COX14: variants seen among roughly 807,000 people sequenced by gnomAD.
The protein encoded by COX14 is cytochrome c oxidase assembly protein COX14.
A neutral mutation model predicts 5.8 loss-of-function variants in COX14; 3 were observed. That is an observed-to-expected ratio of 0.51 (90% CI 0.23 to 1.33). The LOEUF (loss-of-function observed/expected upper bound fraction) is 1.33. Ranked by LOEUF, COX14 falls within the 40% of genes most tolerant of loss-of-function variation. The probability of loss-of-function intolerance (pLI) is 0.18; values close to 1 mark genes in which losing one functional copy is unlikely to be tolerated. For missense variants in COX14, 72 were observed against 72.1 expected (o/e 1.00, Z 0.01); for synonymous variants, 25 against 26.1 (o/e 0.96, Z 0.13).
intron 1 of COX14, among the ~76,000 whole-genome samples, chr12:50,117,304 C>T (rs1247390096): frequency 6.6e-6 from 1 of 152,002 alleles, no homozygotes; most frequent in African/African-American, 2.4e-5. Context: ...TGTGAGCCAC[C>T]ATGCCCTGCC....
chr12:50,112,533 A>G (rs1951034742), intron 1 of COX14: 2 of 944,834 alleles, frequency 2.1e-6, no homozygotes, highest in Non-Finnish European at 2.5e-6. Flanking sequence ...AATCCTGTCA[A>G]ACCTCGACTC....
intron 1 of COX14, among the ~76,000 whole-genome samples, chr12:50,113,519 G>T (rs1443497790): frequency 1.3e-5 from 2 of 149,404 alleles, no homozygotes; most frequent in African/African-American, 4.9e-5. Flanking sequence ...TAGCCAGGAT[G>T]GTCTCGATAT....
chr12:50,119,971 A>G, intron 1 of COX14, 65 bp from the exon 2 acceptor site: 1 of 1,304,160 alleles, frequency 7.7e-7, no homozygotes, highest in Non-Finnish European at 1.1e-6. Flanking sequence ...AATGGCGTTA[A>G]ACAGGGAGAT....
chr12:50,119,103 G>A (rs995876567), intron 1 of COX14, among the ~76,000 whole-genome samples: 5 of 152,098 alleles, frequency 3.3e-5, no homozygotes, highest in Admixed American at 3.3e-4. Context: ...TCTTAGTGTT[G>A]GGTTTAGAAC....
At chr12:50,118,175 TA>T (rs1388563237) in intron 1 of COX14, among the ~76,000 whole-genome samples, 3 of 151,314 alleles carry the variant, frequency 2.0e-5, no homozygotes, top group African/African-American at 7.3e-5. Context: ...GCCTCTCGAG[TA>T]GCTGGGATTA....
rs7961065 is a variant in COX14, at chr12:50,119,904, C to T, written c.-8-132C>T. On this transcript the variant is annotated intron_variant, in intron 1 of 1. Transcript: ENST00000550487. ...GTATCCCTATGAGACTTTACCTAGA[C>T]ATAGGGGCCATTCAGTATAGAGTGC... is the stretch of plus-strand genomic sequence containing the variant. The T allele has an allele frequency of 0.34, 238,952 of 693,192 alleles. 43,161 individuals carry two copies. Among genetic ancestry groups the T allele is most frequent in the African/African-American group, 0.47 (26,567 of 55,986 alleles). 42.9% of individuals were successfully genotyped at this position (693,192 alleles called of 1,614,324 possible).
chr12:50,114,910 G>T (rs1951066829), intron 1 of COX14, among the ~76,000 whole-genome samples: 1 of 148,722 alleles, frequency 6.7e-6, no homozygotes, highest in African/African-American at 2.5e-5. Context: ...TCCGACTACA[G>T]GCAGGCGCCA....
Position 50,116,583 on chromosome 12 carries a change from G to T in COX14, c.-8-3453G>T, listed in dbSNP as rs182308203. On this transcript the variant is annotated intron_variant, in intron 1 of 1. Coordinates refer to ENST00000550487, the MANE Select transcript of COX14 (RefSeq NM_032901.4). ...AGCTCTTTTCCTCCAGCCCTTGGAA[G>T]AGGTGGTCCTATAATTGTTAAGCAT... 1.1e-3 allele frequency among the ~76,000 whole-genome samples: 162 copies of T among 152,340 alleles called. 1 individual carries two copies. The highest frequency in any genetic ancestry group is 3.7e-3 in the African/African-American group (154 of 41,584).
At chr12:50,114,083 G>A (rs1456052842) in intron 1 of COX14, among the ~76,000 whole-genome samples, 1 of 151,910 alleles carries the variant, frequency 6.6e-6, no homozygotes, top group East Asian at 1.9e-4. Flanking sequence ...GACTGCAGGT[G>A]CATGTCACCA....
chr12:50,115,504 C>T (rs998319878), intron 1 of COX14, among the ~76,000 whole-genome samples: 12 of 151,628 alleles, frequency 7.9e-5, no homozygotes, highest in East Asian at 2.0e-4. Flanking sequence ...CTTGAGCCAC[C>T]GCGCCCGGCC....
intron 1 of COX14, 149 bp downstream of exon 1, chr12:50,112,450 G>T: frequency 1.0e-6 from 1 of 985,894 alleles, no homozygotes; most frequent in Non-Finnish European, 1.2e-6. Context: ...GTTGCGGACC[G>T]CGAGCTGCAC....
chr12:50,117,567 C>A (rs1423146359), intron 1 of COX14, among the ~76,000 whole-genome samples: 1 of 148,508 alleles, frequency 6.7e-6, no homozygotes, highest in Non-Finnish European at 1.5e-5. Flanking sequence ...CACCCTGGCA[C>A]TCTTTTTCTG....
chr12:50,120,042 A>G lies in COX14; in HGVS notation c.-2A>G, dbSNP rs1951116124. 3 of 1,613,824 alleles carry G rather than the reference A, an allele frequency of 1.9e-6. No homozygotes were observed. Among genetic ancestry groups the G allele is most frequent in the Non-Finnish European group, 1.7e-6 (2 of 1,179,706 alleles). ...ATTCAATCTGTCTTTGTAGGGGACA[A>G]GATGCCAACTGGCAAGCAGCTAGCT... On this transcript the variant is annotated 5_prime_UTR_variant, in exon 2 of 2. Coordinates refer to ENST00000550487, the MANE Select transcript of COX14 (RefSeq NM_032901.4).
At position 50,120,191 on chromosome 12, in the gene COX14, GAACAGAAGA is replaced by G; in HGVS notation, c.149_157del (p.Glu50_Thr53delinsAla). 6.2e-7 allele frequency: 1 copy of G among 1,614,136 alleles called. No homozygotes were observed. Among genetic ancestry groups the G allele is most frequent in the Non-Finnish European group, 8.5e-7 (1 of 1,180,020 alleles). ...CAGGGCCCAGCGCCAGGCCGCAGAAGAACAGAAGACCTCAGGAATCATGTAGAACTGGGG... is the reference window on the plus strand; with the variant it reads ...CAGGGCCCAGCGCCAGGCCGCAGAAGCCTCAGGAATCATGTAGAACTGGGG... On this transcript the variant is annotated inframe_deletion, in exon 2 of 2. Coordinates refer to ENST00000550487, the MANE Select transcript of COX14 (RefSeq NM_032901.4).
chr12:50,116,282 A>G (rs1032615912), intron 1 of COX14, among the ~76,000 whole-genome samples: 5 of 152,092 alleles, frequency 3.3e-5, no homozygotes, highest in East Asian at 1.9e-4. Context: ...TAGTAGAGAC[A>G]GGGTTTTGCC....
Position 50,113,300 on chromosome 12 carries a change from G to A in COX14, c.-9+999G>A, listed in dbSNP as rs945105264. On this transcript the variant is annotated intron_variant, in intron 1 of 1. Coordinates refer to ENST00000550487, the MANE Select transcript of COX14 (RefSeq NM_032901.4). Reference sequence around the variant, plus strand: ...ATCGCACTTCTACCCATACGTTTACGCAATTTTTTTTTTTTTTTTTTGAGA... The same window carrying A: ...ATCGCACTTCTACCCATACGTTTACACAATTTTTTTTTTTTTTTTTTGAGA... Among the ~76,000 whole-genome samples, 10 of 144,022 alleles carry A rather than the reference G, an allele frequency of 6.9e-5. 1 individual carries two copies. Among genetic ancestry groups the A allele is most frequent in the African/African-American group, 2.6e-4 (10 of 38,418 alleles). The allele number at this position is 144,022 out of a possible 152,430, so 94.5% of individuals were successfully genotyped here.
At chr12:50,116,307 G>T (rs923190212) in intron 1 of COX14, among the ~76,000 whole-genome samples, 8 of 152,106 alleles carry the variant, frequency 5.3e-5, no homozygotes, top group Non-Finnish European at 1.2e-4. Flanking sequence ...TGGCCAGGCT[G>T]GTCTCGAACT....
At chr12:50,115,559 C>CTT (rs1279234483) in intron 1 of COX14, among the ~76,000 whole-genome samples, 2 of 143,254 alleles carry the variant, frequency 1.4e-5, no homozygotes, top group African/African-American at 5.1e-5. Context: ...CATGATCCTC[C>CTT]TTTTTTTTTT....
chr12:50,117,505 G>A (rs567523783), intron 1 of COX14, among the ~76,000 whole-genome samples: 3 of 152,010 alleles, frequency 2.0e-5, no homozygotes, highest in African/African-American at 7.2e-5. Flanking sequence ...GTTCTCTCAA[G>A]GCTCCTCAGG....
Sources: gnomAD v4.1 joint callset for allele counts (sites outside exome capture counted in the v4.1 genomes callset) on GRCh38, gnomAD v4.1.1 for gene constraint, MANE v1.5 for transcripts, NCBI Gene and HGNC (gene_info 2026-07-23, HGNC 2026-07-21) for gene names.